Variants in PPFIA2 observed in about 807,000 individuals in gnomAD.
PPFIA2 encodes PPFI scaffold protein A2.
PPFIA2 carries 46 observed loss-of-function variants against 175.5 expected under a neutral mutation model. The ratio of observed to expected loss-of-function variants is 0.26; its 90% CI spans 0.21 to 0.34. The LOEUF (loss-of-function observed/expected upper bound fraction) is 0.34. Among genes scored for constraint, PPFIA2 ranks in the 10% least tolerant of loss-of-function variants. The pLI is 1.00. For synonymous variants in PPFIA2, 568 were observed against 511.4 expected, an observed-to-expected ratio of 1.11 and a Z score of -1.49; for missense variants, 1,179 against 1,506.1, an observed-to-expected ratio of 0.78 and a Z score of 3.60.
chr12:81,708,446 C>A (rs897747720), intron 3 of PPFIA2, among the ~76,000 whole-genome samples: 3 of 132,896 alleles, frequency 2.3e-5, no homozygotes, highest in Admixed American at 7.8e-5. Flanking sequence ...GAACCTCATG[C>A]AAAAAGTTTT....
At chr12:81,672,637 T>C (rs2071646162) in intron 4 of PPFIA2, among the ~76,000 whole-genome samples, 1 of 152,030 alleles carries the variant, frequency 6.6e-6, no homozygotes, top group African/African-American at 2.4e-5. Context: ...TTAGAACATT[T>C]AAAAGTATTA....
intron 22 of PPFIA2, among the ~76,000 whole-genome samples, chr12:81,321,462 A>G (rs189926146): frequency 6.6e-6 from 1 of 152,160 alleles, no homozygotes; most frequent in East Asian, 1.9e-4. Flanking sequence ...GTAAGCTCAT[A>G]GTTCTTGATT....
intron 4 of PPFIA2, chr12:81,598,173 G>C (rs2059446716): frequency 7.1e-7 from 1 of 1,398,902 alleles, no homozygotes; most frequent in Non-Finnish European, 9.3e-7. Flanking sequence ...CATACACAGT[G>C]ATAGCATTTT....
rs566460714 is a variant in PPFIA2, at chr12:81,371,222, A to G, written c.1267-2028T>C. Among the ~76,000 whole-genome samples, 29 of 139,162 alleles carry G rather than the reference A, an allele frequency of 2.1e-4. No individual in the cohort carries two copies. The South Asian group carries it at 3.7e-3, about 18-fold the overall frequency. 91.3% of individuals were successfully genotyped at this position (139,162 alleles called of 152,430 possible). On this transcript the variant is annotated intron_variant, in intron 11 of 32. Transcript: ENST00000549396. ...AATTTCCAATTTAGAAGCTATACAG[A>G]GTTACCATGGTCCCCAAATGCCATA...
intron 4 of PPFIA2, among the ~76,000 whole-genome samples, chr12:81,472,225 G>T (rs193284581): frequency 1.2e-4 from 19 of 152,118 alleles, no homozygotes; most frequent in Non-Finnish European, 2.5e-4. Context: ...GGAGGTGAGA[G>T]CTAAGGAGCT....
chr12:81,498,812 A>G (rs2147314562), intron 4 of PPFIA2, among the ~76,000 whole-genome samples: 1 of 152,076 alleles, frequency 6.6e-6, no homozygotes, highest in East Asian at 1.9e-4. Flanking sequence ...TTTTGTAGAG[A>G]CGGGGTTTCA....
At chr12:81,746,465 C>T (rs1480706134) in intron 3 of PPFIA2, among the ~76,000 whole-genome samples, 1 of 142,792 alleles carries the variant, frequency 7.0e-6, no homozygotes, top group East Asian at 2.1e-4. Context: ...AATCAGACTG[C>T]AGTATAGAAG....
intron 3 of PPFIA2, among the ~76,000 whole-genome samples, chr12:81,690,380 G>A (rs1472755693): frequency 6.6e-6 from 1 of 152,020 alleles, no homozygotes; most frequent in Non-Finnish European, 1.5e-5. Flanking sequence ...AGCATTATTG[G>A]CAAATTAGGC....
rs546640175 is a variant in PPFIA2, at chr12:81,518,122, C to G, written c.304-60256G>C. Among the ~76,000 whole-genome samples the G allele has an allele frequency of 3.9e-4, 60 of 152,154 alleles. 1 individual carries two copies. The highest frequency in any genetic ancestry group is 7.2e-4 in the Admixed American group (11 of 15,278). On this transcript the variant is annotated intron_variant, in intron 4 of 32. Transcript: ENST00000549396. ...ACAAACAAAAAACAAAACATACACACAAAAAATGCCCCAGATTTACTTCCT... is the reference window on the plus strand; with the variant it reads ...ACAAACAAAAAACAAAACATACACAGAAAAAATGCCCCAGATTTACTTCCT...
chr12:81,625,221 A>G (rs1484044114), intron 4 of PPFIA2, among the ~76,000 whole-genome samples: 2 of 151,848 alleles, frequency 1.3e-5, no homozygotes, highest in Non-Finnish European at 2.9e-5. Flanking sequence ...TCAGAAATGT[A>G]TCTTTTCAGC....
At chr12:81,434,618 A>G (rs1592926978) in intron 7 of PPFIA2, among the ~76,000 whole-genome samples, 1 of 152,140 alleles carries the variant, frequency 6.6e-6, no homozygotes, top group Non-Finnish European at 1.5e-5. Context: ...GTAGGAGGGA[A>G]TAGCAGTACA....
chr12:81,267,925 G>A lies in PPFIA2; in HGVS notation c.3473C>T (p.Thr1158Ile). Residue 1158 changes from threonine (T) to isoleucine (I), a missense_variant, in exon 29 of 33, where the codon ACA (threonine) becomes ATA (isoleucine). Around this residue, in one of 10 missense-constraint regions of PPFIA2, gnomAD observed 245 missense variants for 375.1 expected, o/e 0.65. Coordinates refer to ENST00000549396, the MANE Select transcript of PPFIA2 (RefSeq NM_003625.5). Reference sequence around the variant, plus strand: ...AAAGTGACTTGCCTGGGTGTTCTGTGTTGGAATCTGTAATAATAAAGCTAA... The same window carrying A: ...AAAGTGACTTGCCTGGGTGTTCTGTATTGGAATCTGTAATAATAAAGCTAA... ...SSLALLLQIP[T>I]QNTQARQILE... 6.3e-7 allele frequency: 1 copy of A among 1,592,854 alleles called. No individual in the cohort carries two copies. Among genetic ancestry groups the A allele is most frequent in the Non-Finnish European group, 8.6e-7 (1 of 1,168,436 alleles).
rs552523530 is a variant in PPFIA2, at chr12:81,258,736, G to C, written c.*958C>G. ...ATTGACAAAAGGGAAAGGTATCTTG[G>C]GTTTCGTTTTCTCTAGTGGAAATGA... On this transcript the variant is annotated 3_prime_UTR_variant, in exon 33 of 33. Transcript: ENST00000549396. 1 of 151,972 alleles carries C rather than the reference G, an allele frequency of 6.6e-6. No individual in the cohort carries two copies. The highest frequency in any genetic ancestry group is 1.5e-5 in the Non-Finnish European group (1 of 67,984). The allele number at this position is 151,972 out of a possible 1,614,324, so 9.4% of individuals were successfully genotyped here. A position where few individuals can be genotyped will look rare whatever the true frequency, so the allele number is the denominator to read the frequency against.
At chr12:81,469,450 A>C (rs967392715) in intron 4 of PPFIA2, among the ~76,000 whole-genome samples, 1 of 152,198 alleles carries the variant, frequency 6.6e-6, no homozygotes, top group African/African-American at 2.4e-5. Context: ...CCCCGCATGC[A>C]CCCCTGTAGG....
chr12:81,381,334 G>C (rs1230445899), intron 9 of PPFIA2, among the ~76,000 whole-genome samples: 1 of 152,098 alleles, frequency 6.6e-6, no homozygotes, highest in Non-Finnish European at 1.5e-5. Context: ...GGCATCATAG[G>C]AGTGACATTT....
chr12:81,463,735 T>A (rs2055076658), intron 4 of PPFIA2, among the ~76,000 whole-genome samples: 2 of 152,102 alleles, frequency 1.3e-5, no homozygotes, highest in Admixed American at 1.3e-4. Flanking sequence ...TTACATGCAT[T>A]CAGGGAATTA....
chr12:81,404,795 A>G (rs1433645128), intron 8 of PPFIA2, among the ~76,000 whole-genome samples: 5 of 152,160 alleles, frequency 3.3e-5, no homozygotes, highest in Admixed American at 3.3e-4. Context: ...TTCTAACCAC[A>G]TAAGTGAGGA....
chr12:81,343,823 CAT>C (rs1190860028), intron 19 of PPFIA2, among the ~76,000 whole-genome samples: 2 of 152,004 alleles, frequency 1.3e-5, no homozygotes, highest in African/African-American at 4.8e-5. Flanking sequence ...TTTTATTTTG[CAT>C]AGTCTTGATG....
intron 22 of PPFIA2, chr12:81,302,238 T>C (rs540786187): frequency 2.2e-5 from 9 of 402,268 alleles, no homozygotes; most frequent in African/African-American, 1.9e-4. Context: ...TTTTCTTGCA[T>C]CTTACCTCCT....
Sources: allele counts gnomAD v4.1 joint callset (sites outside exome capture counted in the v4.1 genomes callset), GRCh38; gene constraint gnomAD v4.1.1; regional missense constraint gnomAD v4.1.1; transcripts MANE v1.5; gene names NCBI Gene and HGNC (gene_info 2026-07-23, HGNC 2026-07-21).